Variants in OTOF observed in about 807,000 individuals in gnomAD.
OTOF encodes fer-1-like family member 2.
A neutral mutation model predicts 236.8 loss-of-function variants in OTOF; 218 were observed. That is an observed-to-expected ratio of 0.92 (90% confidence interval 0.82 to 1.03). The LOEUF is 1.03. Among genes scored for constraint, OTOF ranks in the 50% least tolerant of loss-of-function variants. The probability of loss-of-function intolerance (pLI) is 0.00; values close to 1 mark genes in which losing one functional copy is unlikely to be tolerated. For missense variants in OTOF, 2,590 were observed against 2,694.4 expected, an observed-to-expected ratio of 0.96 and a Z score of 0.86; for synonymous variants, 1,041 against 1,072.5, an observed-to-expected ratio of 0.97 and a Z score of 0.57.
At chr2:26,458,337 C>T in intron 46 of OTOF, 117 bp from the exon 47 acceptor site, 3 of 1,059,184 alleles carry the variant, frequency 2.8e-6, no homozygotes. Context: ...GCCCCAAAAG[C>T]AGTGAATGCT....
chr2:26,476,073 G>T, intron 23 of OTOF, 35 bp from the exon 24 acceptor site: 1 of 1,611,982 alleles, frequency 6.2e-7, no homozygotes. Context: ...TCCAGGATGG[G>T]CAGCCCCTCC....
In OTOF at chr2:26,477,692, G is replaced by A. The variant is rs368186242; in HGVS notation, c.2272C>T (p.Arg758Cys). ...TCCTCCAGGACGCCCCGCAGGCGAC[G>A]CTCAGGGTAGGACTTCTCCGTTTTG... ...MIKTEKSYPE[R>C]RLRGVLEELS... Residue 758 changes from arginine to cysteine, a missense_variant, in exon 19 of 47, where the codon CGT becomes TGT. Coordinates refer to ENST00000272371, the MANE Select transcript of OTOF (RefSeq NM_194248.3). This position sits in a 1 kb window ranked among gnomAD's most constrained non-coding sequence, Gnocchi z 4.7. 2.6e-5 allele frequency: 42 copies of A among 1,612,444 alleles called. No homozygotes were observed. The highest frequency in any genetic ancestry group is 3.4e-5 in the Non-Finnish European group (40 of 1,179,962).
At chr2:26,556,567 C>A (rs1667589919) in intron 1 of OTOF, among the ~76,000 whole-genome samples, 1 of 152,108 alleles carries the variant, frequency 6.6e-6, no homozygotes, top group Non-Finnish European at 1.5e-5. Flanking sequence ...TAAACTAATT[C>A]CTGTGTGGTC....
At position 26,477,325 on chromosome 2, in the gene OTOF, G is replaced by A. The variant is rs770405464; in HGVS notation, c.2407-37C>T. ...GGGGTGTCAGTGAACCCAGCAACTG[G>A]GGGACAGCTCGGGCCATGACAAAGG... On this transcript the variant is annotated intron_variant, in intron 20 of 46. Coordinates refer to ENST00000272371, the MANE Select transcript of OTOF (RefSeq NM_194248.3). This position sits in a 1 kb window ranked among gnomAD's most constrained non-coding sequence, Gnocchi z 4.7. 6.2e-7 allele frequency: 1 copy of A among 1,600,384 alleles called. No homozygotes were observed. The highest frequency in any genetic ancestry group is 8.5e-7 in the Non-Finnish European group (1 of 1,171,632).
At chr2:26,458,450 G>A (rs1558462189) in intron 46 of OTOF, among the ~76,000 whole-genome samples, 1 of 152,240 alleles carries the variant, frequency 6.6e-6, no homozygotes, top group Admixed American at 6.5e-5. Flanking sequence ...CTAAGGCCTA[G>A]ATGGGAGCTA....
intron 46 of OTOF, 49 bp from the exon 47 acceptor site, chr2:26,458,269 T>G (rs1352123949): frequency 6.5e-7 from 1 of 1,529,776 alleles, no homozygotes; most frequent in African/African-American, 1.4e-5. Context: ...AGGAGCTGCC[T>G]CCCAGTGCAC....
chr2:26,534,750 C>T (rs191130324), intron 2 of OTOF, among the ~76,000 whole-genome samples: 1 of 152,210 alleles, frequency 6.6e-6, no homozygotes, highest in Non-Finnish European at 1.5e-5. Flanking sequence ...AAAGAGGTTC[C>T]TCAGCAAGGA....
intron 3 of OTOF, among the ~76,000 whole-genome samples, chr2:26,525,374 C>T (rs1666775415): frequency 6.6e-6 from 1 of 152,180 alleles, no homozygotes; most frequent in Admixed American, 6.5e-5. Flanking sequence ...TTTGCTCACC[C>T]TCTCCCAGTG....
intron 41 of OTOF, 83 bp downstream of exon 41, chr2:26,463,399 GC>G (rs1260706126): frequency 6.0e-6 from 7 of 1,162,658 alleles, no homozygotes; most frequent in Admixed American, 2.0e-5. Flanking sequence ...CTGGACCTGA[GC>G]CCCCCGCAGG....
At chr2:26,533,373 T>G (rs1666995323) in intron 2 of OTOF, among the ~76,000 whole-genome samples, 1 of 152,148 alleles carries the variant, frequency 6.6e-6, no homozygotes, top group African/African-American at 2.4e-5. Context: ...GGGCTCAGTA[T>G]CCCGAGTGTG....
At chr2:26,518,325 G>A (rs1006012985) in intron 4 of OTOF, among the ~76,000 whole-genome samples, 2 of 152,244 alleles carry the variant, frequency 1.3e-5, no homozygotes, top group African/African-American at 4.8e-5. Context: ...TAATGTAATT[G>A]TGCTCACTTT....
At chr2:26,463,076 G>T (rs945560811) in intron 41 of OTOF, among the ~76,000 whole-genome samples, 1 of 152,172 alleles carries the variant, frequency 6.6e-6, no homozygotes, top group East Asian at 1.9e-4. Flanking sequence ...GCTCCCAGGG[G>T]TTCTGTGTGT....
intron 1 of OTOF, among the ~76,000 whole-genome samples, chr2:26,538,816 A>AT (rs35315095): frequency 0.061 from 8,484 of 138,664 alleles, 689 homozygotes; most frequent in African/African-American, 0.18. Context: ...GGGAAACACC[A>AT]TTTTTTTTTT....
intron 2 of OTOF, among the ~76,000 whole-genome samples, chr2:26,532,650 G>A (rs1272884167): frequency 3.3e-5 from 5 of 152,182 alleles, no homozygotes; most frequent in African/African-American, 1.2e-4. Context: ...AGTACAGATA[G>A]GGAGGGAAAG....
chr2:26,520,278 A>G (rs1056463751), intron 3 of OTOF, among the ~76,000 whole-genome samples: 9 of 152,230 alleles, frequency 5.9e-5, no homozygotes, highest in Non-Finnish European at 1.2e-4. Flanking sequence ...TTATAGAGGA[A>G]GACAGTGAGG....
intron 9 of OTOF, among the ~76,000 whole-genome samples, chr2:26,490,503 G>C (rs1365143587): frequency 6.6e-6 from 1 of 152,236 alleles, no homozygotes; most frequent in Admixed American, 6.5e-5. Flanking sequence ...CTGAGGATGA[G>C]GGTGTGGGGC....
intron 5 of OTOF, among the ~76,000 whole-genome samples, chr2:26,509,468 A>G (rs749004967): frequency 5.3e-5 from 8 of 152,186 alleles, no homozygotes; most frequent in Non-Finnish European, 1.2e-4. Flanking sequence ...TTAACACTGC[A>G]TCATCATTGC....
At chr2:26,487,184 C>T (rs1035660821) in intron 11 of OTOF, among the ~76,000 whole-genome samples, 3 of 152,210 alleles carry the variant, frequency 2.0e-5, no homozygotes, top group Admixed American at 6.5e-5. Flanking sequence ...CCACCCAAAG[C>T]TTCCCAGCAG....
intron 36 of OTOF, 117 bp downstream of exon 36, chr2:26,466,597 A>G: frequency 7.8e-7 from 1 of 1,285,082 alleles, no homozygotes; most frequent in South Asian, 1.2e-5. Context: ...TTGGCCTCCC[A>G]AAGTGCTGGG....
Sources: allele counts gnomAD v4.1 joint callset (sites outside exome capture counted in the v4.1 genomes callset), GRCh38; gene constraint gnomAD v4.1.1; non-coding constraint Gnocchi (gnomAD v3.1); transcripts MANE v1.5; gene names NCBI Gene and HGNC (gene_info 2026-07-23, HGNC 2026-07-21).